Variants in TSHZ3 observed in about 807,000 individuals in gnomAD.
The protein encoded by TSHZ3 is teashirt zinc finger homeobox 3.
Under a neutral mutation model 64.5 loss-of-function variants are expected in TSHZ3, and 10 were observed. The observed-to-expected ratio is 0.16, with a 90% CI of 0.10 to 0.26. TSHZ3 has a LOEUF of 0.26. Ranked by LOEUF, TSHZ3 falls within the 10% of genes least tolerant of loss-of-function variation. TSHZ3 has a pLI of 1.00. For synonymous variants in TSHZ3, 608 were observed against 593.1 expected, an observed-to-expected ratio of 1.03 and a Z score of -0.36; for missense variants, 1,242 against 1,421.7, an observed-to-expected ratio of 0.87 and a Z score of 2.03.
intron 1 of TSHZ3, among the ~76,000 whole-genome samples, chr19:31,337,007 T>A (rs1917266730): frequency 8.0e-6 from 1 of 125,436 alleles, no homozygotes; most frequent in East Asian, 3.1e-4. Flanking sequence ...CTTTTTCTTT[T>A]TTTCTATTTT....
At chr19:31,349,479 GGAGGAGGAGGCA>G (rs1022634468), upstream of TSHZ3, 1 of 381,900 alleles carries the variant, frequency 2.6e-6, no homozygotes, top group East Asian at 4.2e-5. Context: ...AGCACGGGGG[GGAGGAGGAGGCA>G]GAGGAGGAGG....
intron 5 of TSHZ3, among the ~76,000 whole-genome samples, chr19:31,198,946 A>G (rs565681052): frequency 6.6e-6 from 1 of 152,272 alleles, no homozygotes; most frequent in African/African-American, 2.4e-5. Flanking sequence ...TTACAGGGAG[A>G]GGTAAAAGGC....
chr19:31,213,061 C>T (rs1049682838), intron 4 of TSHZ3, among the ~76,000 whole-genome samples: 2 of 151,940 alleles, frequency 1.3e-5, no homozygotes, highest in African/African-American at 4.8e-5. Flanking sequence ...ACTATGGAGA[C>T]AGTAAAAAGA....
chr19:31,343,093 G>C (rs915576109), intron 1 of TSHZ3, among the ~76,000 whole-genome samples: 1 of 152,160 alleles, frequency 6.6e-6, no homozygotes, highest in African/African-American at 2.4e-5. Context: ...CCAGGAATGC[G>C]ATGACAAGGA....
intron 5 of TSHZ3, among the ~76,000 whole-genome samples, chr19:31,173,914 T>G (rs1365576776): frequency 6.6e-6 from 1 of 151,764 alleles, no homozygotes; most frequent in Non-Finnish European, 1.5e-5. Flanking sequence ...TACTAAAAAG[T>G]CAAAAATGAG....
At chr19:31,206,079 GGATGGAT>G (rs1975164749) in intron 4 of TSHZ3, among the ~76,000 whole-genome samples, 1 of 2,990 alleles carries the variant, frequency 3.3e-4, no homozygotes, top group African/African-American at 3.0e-3. Context: ...TGGGTGAAAT[GGATGGAT>G]GGATGGATGG....
At chr19:31,330,615 A>C in intron 1 of TSHZ3, among the ~76,000 whole-genome samples, 1 of 151,448 alleles carries the variant, frequency 6.6e-6, no homozygotes, top group East Asian at 2.0e-4. Flanking sequence ...TGCAAAATGG[A>C]GGCTGTTGAC....
intron 4 of TSHZ3, among the ~76,000 whole-genome samples, chr19:31,221,827 A>G (rs1229711364): frequency 1.3e-5 from 2 of 152,128 alleles, no homozygotes; most frequent in Non-Finnish European, 2.9e-5. Context: ...CTTACTTTCA[A>G]TAATAGCATC....
intron 1 of TSHZ3, chr19:31,305,508 AG>A (rs1916267335): frequency 6.6e-6 from 1 of 152,228 alleles, no homozygotes; most frequent in Non-Finnish European, 1.5e-5. Context: ...GAAAGGTAAA[AG>A]GTGCCCGGCT....
intron 1 of TSHZ3, among the ~76,000 whole-genome samples, chr19:31,289,235 G>A (rs1976519617): frequency 6.6e-6 from 1 of 152,164 alleles, no homozygotes; most frequent in Non-Finnish European, 1.5e-5. Context: ...CCCTCCTCTT[G>A]TAAAGGCCTC....
intron 3 of TSHZ3, among the ~76,000 whole-genome samples, chr19:31,241,162 G>A (rs1975683452): frequency 1.3e-5 from 2 of 152,086 alleles, no homozygotes; most frequent in Non-Finnish European, 2.9e-5. Flanking sequence ...GTGTGCACAT[G>A]TTTATTAGGC....
intron 1 of TSHZ3, among the ~76,000 whole-genome samples, chr19:31,310,253 T>C (rs1281102661): frequency 6.6e-6 from 1 of 152,078 alleles, no homozygotes; most frequent in Non-Finnish European, 1.5e-5. Context: ...TGCCTCTCAA[T>C]GGACCAGAAG....
chr19:31,294,969 C>T (rs927108102), intron 1 of TSHZ3, among the ~76,000 whole-genome samples: 9 of 152,202 alleles, frequency 5.9e-5, no homozygotes. Flanking sequence ...TATCTACACT[C>T]TGACCCAGAT....
intron 5 of TSHZ3, among the ~76,000 whole-genome samples, chr19:31,183,459 C>T (rs1466324997): frequency 1.3e-5 from 2 of 151,994 alleles, no homozygotes; most frequent in East Asian, 1.9e-4. Context: ...AATCAGAAAA[C>T]GAAACACTAG....
chr19:31,295,239 G>A (rs1003086045), intron 1 of TSHZ3, among the ~76,000 whole-genome samples: 1 of 152,194 alleles, frequency 6.6e-6, no homozygotes, highest in African/African-American at 2.4e-5. Context: ...TTGAAAATCT[G>A]TTTGTCAGTA....
At chr19:31,257,180 G>A (rs918912648) in intron 1 of TSHZ3, among the ~76,000 whole-genome samples, 8 of 152,142 alleles carry the variant, frequency 5.3e-5, no homozygotes, top group African/African-American at 1.9e-4. Context: ...TAAGCAGAGG[G>A]AAGGATGTAA....
intron 5 of TSHZ3, among the ~76,000 whole-genome samples, chr19:31,193,385 G>A (rs931802932): frequency 5.3e-5 from 8 of 152,134 alleles, no homozygotes; most frequent in African/African-American, 1.7e-4. Flanking sequence ...CTGTGGCCAT[G>A]TCCCCAGATG....
chr19:31,150,214 T>C (rs750153140), exon 7 of TSHZ3, among the ~76,000 whole-genome samples: 6 of 152,210 alleles, frequency 3.9e-5, no homozygotes, highest in Non-Finnish European at 8.8e-5. Flanking sequence ...GAGAATCTGC[T>C]GACTGCCTCC....
In TSHZ3 at chr19:31,279,462, C is replaced by T. The variant is rs757763896; in HGVS notation, c.331G>A (p.Val111Met). The T allele has an allele frequency of 1.9e-6, 3 of 1,614,234 alleles. No homozygotes were observed. Among genetic ancestry groups the T allele is most frequent in the Middle Eastern group, 1.6e-4 (1 of 6,062 alleles). ...EVTVPLEDTT[V>M]SDSLEQMKAV... ...TTCATCTGCTCCAGGCTATCCGACACAGTCGTGTCTTCCAGTGGGACCGTG... is the reference window on the plus strand; with the variant it reads ...TTCATCTGCTCCAGGCTATCCGACATAGTCGTGTCTTCCAGTGGGACCGTG... The change falls in exon 2 of 2, where the codon GTG becomes ATG. Residue 111 changes from valine to methionine, a missense_variant. Physicochemically the swap from Val to Met is conservative, Grantham distance 21. Around this residue, in one of 4 missense-constraint regions of TSHZ3, gnomAD observed 555 missense variants for 704.0 expected, o/e 0.79. Coordinates refer to ENST00000240587, the MANE Select transcript of TSHZ3 (RefSeq NM_020856.4). This position sits in a 1 kb window ranked among gnomAD's most constrained non-coding sequence, Gnocchi z 6.4.
Sources: allele counts gnomAD v4.1 joint callset (sites outside exome capture counted in the v4.1 genomes callset), GRCh38; gene constraint gnomAD v4.1.1; regional missense constraint gnomAD v4.1.1; non-coding constraint Gnocchi (gnomAD v3.1); transcripts MANE v1.5; gene names NCBI Gene and HGNC (gene_info 2026-07-23, HGNC 2026-07-21).